Variants in SLC35E3 observed in about 807,000 individuals in gnomAD.
The protein encoded by SLC35E3 is bladder cancer-overexpressed gene 1 protein.
In SLC35E3, 28 loss-of-function variants were observed where a neutral mutation model predicts 30.8. The ratio of observed to expected loss-of-function variants is 0.91; its 90% CI spans 0.67 to 1.25. SLC35E3 has a LOEUF of 1.25. Among genes scored for constraint, SLC35E3 ranks in the 50% most tolerant of loss-of-function variants. The probability of loss-of-function intolerance (pLI) is 0.00; values close to 1 mark genes in which losing one functional copy is unlikely to be tolerated. For synonymous variants in SLC35E3, 146 were observed against 149.2 expected, an observed-to-expected ratio of 0.98 and a Z score of 0.16; for missense variants, 365 against 375.4, an observed-to-expected ratio of 0.97 and a Z score of 0.23.
At position 68,746,518 on chromosome 12, in the gene SLC35E3, C is replaced by G; in HGVS notation, c.141C>G (p.Thr47=). The change falls in exon 1 of 5, where the codon ACC becomes ACG. Residue 47 remains threonine (T), a synonymous_variant. Transcript: ENST00000398004. The part of the protein sequence containing the change: ...VYHGFPNMSL[T]LVHFVVTWLG... ...ACGGCTTCCCCAACATGAGCCTGAC[C>G]CTGGTGCACTTCGTGGTCACCTGGC... The G allele has an allele frequency of 3.7e-6, 6 of 1,614,224 alleles. No individual in the cohort carries two copies. The highest frequency in any genetic ancestry group is 1.3e-5 in the African/African-American group (1 of 75,066).
rs755192590 is a variant in SLC35E3 at position 68,759,239 on chromosome 12, C to T, written c.755C>T (p.Thr252Ile). Residue 252 changes from threonine (T) to isoleucine (I), a missense_variant and splice_region_variant, in exon 4 of 5, where the codon ACC (threonine) becomes ATC (isoleucine). Coordinates refer to ENST00000398004, the MANE Select transcript of SLC35E3 (RefSeq NM_018656.5). Reference sequence around the variant, plus strand: ...ATCATTGGGAACACTTCACCTGTCACGTATCCTTTTCATATAACTTAGAAA... The same window carrying T: ...ATCATTGGGAACACTTCACCTGTCATGTATCCTTTTCATATAACTTAGAAA... The part of the protein sequence containing the change: ...YWIIGNTSPV[T>I]YNMFGHFKFC... 5.0e-6 allele frequency: 8 copies of T among 1,606,250 alleles called. No individual in the cohort carries two copies. Among genetic ancestry groups the T allele is most frequent in the East Asian group, 2.2e-5 (1 of 44,834 alleles).
chr12:68,762,663 A>G (rs74958481), intron 4 of SLC35E3, among the ~76,000 whole-genome samples: 5,114 of 152,284 alleles, frequency 0.034, 122 homozygotes, highest in Middle Eastern at 0.068. Flanking sequence ...TCCTTCTCGT[A>G]TAAATATACT....
chr12:68,754,613 A>G (rs1878934482), intron 3 of SLC35E3, among the ~76,000 whole-genome samples: 2 of 152,006 alleles, frequency 1.3e-5, no homozygotes, highest in Admixed American at 1.3e-4. Context: ...CCCTCTGCAT[A>G]TTCACTTTTT....
At chr12:68,753,605 A>T (rs1878887633) in intron 3 of SLC35E3, among the ~76,000 whole-genome samples, 2 of 152,154 alleles carry the variant, frequency 1.3e-5, no homozygotes, top group Non-Finnish European at 2.9e-5. Flanking sequence ...GCATGTGTGT[A>T]TAATTTTAGA....
Position 68,746,215 on chromosome 12 carries a change from C to G in SLC35E3, c.-163C>G. On this transcript the variant is annotated 5_prime_UTR_variant, in exon 1 of 5. Transcript: ENST00000398004. ...ACAGGGCGGCGGCGGGGTGTGTGTC[C>G]TCTGTTAAGAGTGCTACTCGCCCGG... 2 of 587,088 alleles carry G rather than the reference C, an allele frequency of 3.4e-6. No individual in the cohort carries two copies. Among genetic ancestry groups the G allele is most frequent in the Non-Finnish European group, 5.7e-6 (2 of 351,068 alleles). 36.4% of individuals were successfully genotyped at this position (587,088 alleles called of 1,614,324 possible).
intron 3 of SLC35E3, among the ~76,000 whole-genome samples, chr12:68,754,906 C>A (rs1458391844): frequency 6.6e-6 from 1 of 152,122 alleles, no homozygotes; most frequent in Non-Finnish European, 1.5e-5. Flanking sequence ...ATGTATAATC[C>A]TCCTATGTCT....
chr12:68,746,782 G>A lies in SLC35E3; in HGVS notation c.402+3G>A, dbSNP rs936199820. The A allele has an allele frequency of 3.2e-6, 5 of 1,565,534 alleles. No homozygotes were observed. In the African/African-American group the frequency reaches 5.4e-5, roughly 17 times the overall value. On this transcript the variant is annotated splice_donor_region_variant and intron_variant, in intron 1 of 4. Coordinates refer to ENST00000398004, the MANE Select transcript of SLC35E3 (RefSeq NM_018656.5). ...CCACCAGAATCCAGCTCACGCTGGTGAGTAGCTTCAGCTTCCCAAGGCGCC... is the reference window on the plus strand; with the variant it reads ...CCACCAGAATCCAGCTCACGCTGGTAAGTAGCTTCAGCTTCCCAAGGCGCC...
At chr12:68,758,300 G>T (rs1050381881) in intron 3 of SLC35E3, among the ~76,000 whole-genome samples, 4 of 151,872 alleles carry the variant, frequency 2.6e-5, no homozygotes, top group African/African-American at 9.7e-5. Context: ...GGCGCCTGTA[G>T]TCCCAGCTAC....
intron 3 of SLC35E3, among the ~76,000 whole-genome samples, chr12:68,758,931 T>C (rs371314792): frequency 3.3e-5 from 5 of 151,950 alleles, no homozygotes; most frequent in South Asian, 2.1e-4. Context: ...TTAGTAGAGA[T>C]GGGGTTTCAC....
At position 68,768,827 on chromosome 12, in the gene SLC35E3, C is replaced by T. The variant is rs1184300798; in HGVS notation, c.*3937C>T. On this transcript the variant is annotated 3_prime_UTR_variant, in exon 5 of 5. Transcript: ENST00000398004. ...AAATTCCATCTCCTTTTAGAAATAA[C>T]ATAAAGGAGAAATCTATCTCTGTGA... The T allele has an allele frequency of 1.3e-5, 2 of 152,172 alleles. No individual in the cohort carries two copies. Among genetic ancestry groups the T allele is most frequent in the African/African-American group, 4.8e-5 (2 of 41,462 alleles). The allele number at this position is 152,172 out of a possible 1,614,324, so 9.4% of individuals were successfully genotyped here.
At chr12:68,763,430 C>T (rs1879289231) in intron 4 of SLC35E3, among the ~76,000 whole-genome samples, 1 of 151,698 alleles carries the variant, frequency 6.6e-6, no homozygotes, top group African/African-American at 2.4e-5. Context: ...GCTCTTGTTG[C>T]CCAGGCTGGA....
intron 3 of SLC35E3, among the ~76,000 whole-genome samples, chr12:68,754,445 G>A (rs1432437723): frequency 6.6e-6 from 1 of 151,890 alleles, no homozygotes; most frequent in East Asian, 1.9e-4. Flanking sequence ...CACCATGCCT[G>A]GCTAATTTTT....
At chr12:68,762,283 T>TG (rs753620830) in intron 4 of SLC35E3, among the ~76,000 whole-genome samples, 5 of 151,826 alleles carry the variant, frequency 3.3e-5, no homozygotes, top group Admixed American at 1.3e-4. Flanking sequence ...AAAGACTGAG[T>TG]GTTGGGTTTG....
In SLC35E3 at chr12:68,768,695, A is replaced by G. The variant is rs1879523365; in HGVS notation, c.*3805A>G. On this transcript the variant is annotated 3_prime_UTR_variant, in exon 5 of 5. Transcript: ENST00000398004. ...TCTTTTTACTTCTGTATTGCATATGAGAGCTGATGGAAGAAGGATGGCATC... is the reference window on the plus strand; with the variant it reads ...TCTTTTTACTTCTGTATTGCATATGGGAGCTGATGGAAGAAGGATGGCATC... 2 of 152,334 alleles carry G rather than the reference A, an allele frequency of 1.3e-5. No homozygotes were observed. The highest frequency in any genetic ancestry group is 2.1e-4 in the South Asian group (1 of 4,834). The allele number at this position is 152,334 out of a possible 1,614,324, so 9.4% of individuals were successfully genotyped here.
rs1879768467 is a variant in SLC35E3, at chr12:68,777,198, G to A, written c.*12308G>A. 6.6e-6 allele frequency: 1 copy of A among 152,196 alleles called. No homozygotes were observed. Among genetic ancestry groups the A allele is most frequent in the African/African-American group, 2.4e-5 (1 of 41,452 alleles). The allele number at this position is 152,196 out of a possible 1,614,324, so 9.4% of individuals were successfully genotyped here. ...ACCATAGTGGGAGACAGCTGCATCA[G>A]AGGCCTCCCAGTGCCATAGGACCAT... On this transcript the variant is annotated 3_prime_UTR_variant, in exon 5 of 5. Coordinates refer to ENST00000398004, the MANE Select transcript of SLC35E3 (RefSeq NM_018656.5).
At chr12:68,763,528 T>G (rs1334156349) in intron 4 of SLC35E3, among the ~76,000 whole-genome samples, 2 of 152,028 alleles carry the variant, frequency 1.3e-5, no homozygotes, top group Non-Finnish European at 2.9e-5. Context: ...TAGCCGGTAT[T>G]ACAGGCATGC....
chr12:68,778,976 G>GC lies in SLC35E3; in HGVS notation c.*14090dup, dbSNP rs1879814957. 1.3e-5 allele frequency: 2 copies of GC among 152,096 alleles called. No homozygotes were observed. Among genetic ancestry groups the GC allele is most frequent in the African/African-American group, 4.8e-5 (2 of 41,380 alleles). 9.4% of individuals were successfully genotyped at this position (152,096 alleles called of 1,614,324 possible). On this transcript the variant is annotated 3_prime_UTR_variant, in exon 5 of 5. Transcript: ENST00000398004. The stretch of plus-strand genomic sequence containing the variant: ...AAAAGTTAGTTGGGCGTGGTGGTGT[G>GC]CCCCTGTAATCCCAGCTACTCAGGA...
intron 2 of SLC35E3, among the ~76,000 whole-genome samples, chr12:68,750,809 C>G (rs778186848): frequency 2.2e-4 from 33 of 152,144 alleles, no homozygotes; most frequent in Non-Finnish European, 4.3e-4. Flanking sequence ...TTAAAGCTGG[C>G]AGGAGTATGG....
chr12:68,752,310 C>CCTT, intron 3 of SLC35E3, 120 bp downstream of exon 3: 1 of 1,037,220 alleles, frequency 9.6e-7, no homozygotes, highest in Non-Finnish European at 1.4e-6. Context: ...TCGTCATAAT[C>CCTT]ACCATAAAAG....
Sources: allele counts gnomAD v4.1 joint callset (sites outside exome capture counted in the v4.1 genomes callset), GRCh38; gene constraint gnomAD v4.1.1; transcripts MANE v1.5; gene names NCBI Gene and HGNC (gene_info 2026-07-23, HGNC 2026-07-21).